The following NDUFS4 variants were observed in gnomAD, a reference collection of about 807,000 sequenced individuals.
The protein encoded by NDUFS4 is NADH:ubiquinone oxidoreductase subunit S4.
Under a neutral mutation model 24.3 loss-of-function variants are expected in NDUFS4, and 28 were observed. That is an observed-to-expected ratio of 1.15 (90% CI 0.85 to 1.58). The LOEUF is 1.58. Ranked by LOEUF, NDUFS4 falls within the 40% of genes most tolerant of loss-of-function variation. The pLI is 0.00. For missense variants in NDUFS4, 223 were observed against 207.9 expected, an observed-to-expected ratio of 1.07 and a Z score of -0.45; for synonymous variants, 93 against 69.7, an observed-to-expected ratio of 1.34 and a Z score of -1.67.
intron 2 of NDUFS4, among the ~76,000 whole-genome samples, chr5:53,634,362 C>T (rs917971295): frequency 6.6e-6 from 1 of 151,984 alleles, no homozygotes; most frequent in African/African-American, 2.4e-5. Flanking sequence ...AAAACCATTG[C>T]TTGATTTTAG....
chr5:53,587,599 A>G (rs920090532), intron 1 of NDUFS4, among the ~76,000 whole-genome samples: 37 of 148,624 alleles, frequency 2.5e-4, no homozygotes, highest in Non-Finnish European at 8.9e-5. Flanking sequence ...TTTTTTTGAG[A>G]CAGCGTCTCG....
intron 3 of NDUFS4, among the ~76,000 whole-genome samples, chr5:53,648,458 A>G (rs978662766): frequency 3.9e-5 from 6 of 152,344 alleles, no homozygotes; most frequent in Admixed American, 2.0e-4. Flanking sequence ...AATGGGTTGT[A>G]TATTCTCAGT....
chr5:53,590,891 A>G (rs1270016396), intron 1 of NDUFS4, among the ~76,000 whole-genome samples: 2 of 152,202 alleles, frequency 1.3e-5, no homozygotes, highest in Non-Finnish European at 2.9e-5. Context: ...GAACTTTTTC[A>G]TCTTCTAAAA....
chr5:53,620,662 C>T (rs73117563), intron 2 of NDUFS4, among the ~76,000 whole-genome samples: 7,945 of 152,228 alleles, frequency 0.052, 702 homozygotes, highest in African/African-American at 0.18. Context: ...CCTATTCTTA[C>T]ATTCAGTCTA....
chr5:53,637,089 A>G (rs1579905002), intron 2 of NDUFS4, among the ~76,000 whole-genome samples: 1 of 152,222 alleles, frequency 6.6e-6, no homozygotes, highest in Non-Finnish European at 1.5e-5. Context: ...CTTTGCTGGA[A>G]CTTTTCATAA....
intron 2 of NDUFS4, among the ~76,000 whole-genome samples, chr5:53,621,999 C>T (rs990155848): frequency 6.6e-6 from 1 of 151,790 alleles, no homozygotes; most frequent in Non-Finnish European, 1.5e-5. Context: ...CGCGCCCGGC[C>T]GTAAATTATT....
chr5:53,616,319 A>G (rs1386799939), intron 2 of NDUFS4, among the ~76,000 whole-genome samples: 1 of 152,116 alleles, frequency 6.6e-6, no homozygotes, highest in East Asian at 1.9e-4. Flanking sequence ...AGCATATGCC[A>G]GCTTTATTCA....
At chr5:53,675,323 CA>C (rs1190751234) in intron 4 of NDUFS4, among the ~76,000 whole-genome samples, 1 of 151,796 alleles carries the variant, frequency 6.6e-6, no homozygotes, top group African/African-American at 2.4e-5. Context: ...CCACCACGCC[CA>C]GCTAATTTTT....
chr5:53,647,650 G>A (rs968424134), intron 3 of NDUFS4, among the ~76,000 whole-genome samples: 5 of 152,160 alleles, frequency 3.3e-5, no homozygotes, highest in Non-Finnish European at 7.3e-5. Context: ...TTAAAAAGCT[G>A]TCATTAGAGA....
At chr5:53,654,171 T>A (rs887013407) in intron 3 of NDUFS4, among the ~76,000 whole-genome samples, 10 of 152,054 alleles carry the variant, frequency 6.6e-5, no homozygotes, top group Non-Finnish European at 1.0e-4. Flanking sequence ...CTAATCTTGA[T>A]CTACCAATAA....
chr5:53,620,770 A>G (rs1174908566), intron 2 of NDUFS4, among the ~76,000 whole-genome samples: 1 of 152,170 alleles, frequency 6.6e-6, no homozygotes, highest in Non-Finnish European at 1.5e-5. Context: ...GGCGAACTAC[A>G]TTATTACTGA....
chr5:53,587,318 T>G (rs1749793367), intron 1 of NDUFS4, among the ~76,000 whole-genome samples: 1 of 152,158 alleles, frequency 6.6e-6, no homozygotes, highest in South Asian at 2.1e-4. Flanking sequence ...ATTTTCATGT[T>G]GCTTTCAATT....
chr5:53,566,983 G>C (rs1229153158), intron 1 of NDUFS4, among the ~76,000 whole-genome samples: 1 of 151,612 alleles, frequency 6.6e-6, no homozygotes, highest in Non-Finnish European at 1.5e-5. Flanking sequence ...CGAGTAGCTG[G>C]GATTACAGGC....
chr5:53,645,151 A>G (rs1242419591), intron 2 of NDUFS4, among the ~76,000 whole-genome samples: 4 of 152,290 alleles, frequency 2.6e-5, no homozygotes, highest in Admixed American at 6.5e-5. Context: ...GTTTTTACCA[A>G]GTTATCCAAA....
intron 2 of NDUFS4, among the ~76,000 whole-genome samples, chr5:53,632,379 T>G (rs1354455336): frequency 6.6e-6 from 1 of 152,206 alleles, no homozygotes; most frequent in Non-Finnish European, 1.5e-5. Flanking sequence ...ACCTTTCTTG[T>G]GTCTCAATTT....
chr5:53,561,389 A>G (rs1167010282), intron 1 of NDUFS4, among the ~76,000 whole-genome samples: 1 of 152,142 alleles, frequency 6.6e-6, no homozygotes, highest in Non-Finnish European at 1.5e-5. Flanking sequence ...CAGGGATTGA[A>G]TTGAGTTGTT....
chr5:53,630,028 T>G (rs540196192), intron 2 of NDUFS4, among the ~76,000 whole-genome samples: 1 of 152,218 alleles, frequency 6.6e-6, no homozygotes, highest in African/African-American at 2.4e-5. Context: ...GTTGTTCCTT[T>G]CCATGTTTAG....
At chr5:53,632,729 C>T (rs890651400) in intron 2 of NDUFS4, among the ~76,000 whole-genome samples, 12 of 152,110 alleles carry the variant, frequency 7.9e-5, no homozygotes, top group Admixed American at 3.9e-4. Context: ...GCTGTGCTTT[C>T]TGTTATCAGG....
chr5:53,680,612 A>G (rs891275907), intron 4 of NDUFS4, among the ~76,000 whole-genome samples: 2 of 151,592 alleles, frequency 1.3e-5, no homozygotes, highest in Admixed American at 6.6e-5. Context: ...ACCAAACACC[A>G]CATGTTCTCA....
Sources: gnomAD v4.1 joint callset for allele counts (sites outside exome capture counted in the v4.1 genomes callset) on GRCh38, gnomAD v4.1.1 for gene constraint, MANE v1.5 for transcripts, NCBI Gene and HGNC (gene_info 2026-07-23, HGNC 2026-07-21) for gene names.